Variants in DIP2B observed in about 807,000 individuals in gnomAD.
DIP2B encodes disco-interacting protein 2 homolog B.
Under a neutral mutation model 198.0 loss-of-function variants are expected in DIP2B, and 76 were observed. The observed-to-expected ratio is 0.38, with a 90% confidence interval of 0.32 to 0.46. The LOEUF (loss-of-function observed/expected upper bound fraction) is 0.46. Among genes scored for constraint, DIP2B ranks in the 20% least tolerant of loss-of-function variants. The pLI is 0.99. For missense variants in DIP2B, 1,559 were observed against 1,978.4 expected (o/e 0.79, Z 4.02); for synonymous variants, 701 against 739.1 (o/e 0.95, Z 0.84).
intron 1 of DIP2B, among the ~76,000 whole-genome samples, chr12:50,587,902 T>C (rs1958784473): frequency 6.6e-6 from 1 of 152,234 alleles, no homozygotes; most frequent in African/African-American, 2.4e-5. Context: ...GTTTAAATTC[T>C]GACCTAATTG....
intron 32 of DIP2B, among the ~76,000 whole-genome samples, chr12:50,732,922 T>C (rs993227584): frequency 6.6e-6 from 1 of 152,102 alleles, no homozygotes; most frequent in Non-Finnish European, 1.5e-5. Context: ...TTTTTTTTAT[T>C]TGAGACGGAG....
chr12:50,586,115 G>C (rs1382447276), intron 1 of DIP2B, among the ~76,000 whole-genome samples: 1 of 152,226 alleles, frequency 6.6e-6, no homozygotes, highest in Non-Finnish European at 1.5e-5. Flanking sequence ...GTTAATACAA[G>C]GGGATCAGAC....
In DIP2B at chr12:50,640,747, G is replaced by T; in HGVS notation, c.196G>T (p.Glu66Ter). 1 of 1,613,682 alleles carries T rather than the reference G, an allele frequency of 6.2e-7. No homozygotes were observed. The highest frequency in any genetic ancestry group is 1.1e-5 in the South Asian group (1 of 91,044). Reference sequence around the variant, plus strand: ...AGAAACTGATTCAGCAGTACAGAAAGAACTTAGAAACCAGACACCTGCTCC... The same window carrying T: ...AGAAACTGATTCAGCAGTACAGAAATAACTTAGAAACCAGACACCTGCTCC... ...TQETDSAVQK[E>*]LRNQTPAPSA... Residue 66 changes from glutamate to a stop codon, truncating the protein, a stop_gained, in exon 3 of 38, where the codon GAA (glutamate) becomes TAA (stop). Transcript: ENST00000301180. LOFTEE classifies it high-confidence loss of function.
At chr12:50,738,410 T>C (rs2139605221) in intron 35 of DIP2B, among the ~76,000 whole-genome samples, 1 of 152,226 alleles carries the variant, frequency 6.6e-6, no homozygotes, top group South Asian at 2.1e-4. Context: ...AAGCAGGAGT[T>C]TGAGGCCACT....
chr12:50,577,946 A>C (rs1013778486), intron 1 of DIP2B, among the ~76,000 whole-genome samples: 32 of 152,366 alleles, frequency 2.1e-4, no homozygotes, highest in African/African-American at 7.2e-4. Flanking sequence ...GGTTAGTTAC[A>C]ATGTAGATTA....
chr12:50,647,222 G>A (rs12231317), intron 3 of DIP2B, among the ~76,000 whole-genome samples: 43,707 of 151,772 alleles, frequency 0.29, 6,555 homozygotes, highest in East Asian at 0.43. Flanking sequence ...GATGATTTTT[G>A]TATTTTTTGT....
chr12:50,721,126 TA>T, intron 25 of DIP2B, 146 bp from the exon 26 acceptor site: 1 of 1,254,810 alleles, frequency 8.0e-7, no homozygotes, highest in Non-Finnish European at 1.1e-6. Context: ...TCTTTGATGC[TA>T]AGGGAATTTT....
intron 2 of DIP2B, among the ~76,000 whole-genome samples, chr12:50,634,284 A>G (rs1436783870): frequency 6.6e-6 from 1 of 152,034 alleles, no homozygotes. Flanking sequence ...TAAATTAGTC[A>G]CTCTTGGCCA....
intron 37 of DIP2B, among the ~76,000 whole-genome samples, chr12:50,744,156 C>T (rs1044084635): frequency 1.3e-5 from 2 of 152,178 alleles, no homozygotes; most frequent in African/African-American, 4.8e-5. Context: ...TGCTCACCAC[C>T]AAGTCTGGCT....
chr12:50,742,757 G>A (rs1420944078), intron 37 of DIP2B, among the ~76,000 whole-genome samples: 2 of 152,040 alleles, frequency 1.3e-5, no homozygotes, highest in Non-Finnish European at 2.9e-5. Flanking sequence ...TTAGCTGGAC[G>A]CAGTGGCAGG....
intron 19 of DIP2B, 28 bp downstream of exon 19, chr12:50,699,230 A>T (rs1939373193): frequency 6.2e-7 from 1 of 1,613,450 alleles, no homozygotes; most frequent in Admixed American, 1.7e-5. Context: ...TTCACAGGGA[A>T]AATGTTTGGG....
chr12:50,539,029 T>C (rs1015410256), intron 1 of DIP2B, among the ~76,000 whole-genome samples: 2 of 152,204 alleles, frequency 1.3e-5, no homozygotes, highest in African/African-American at 4.8e-5. Flanking sequence ...ATGGGATGCA[T>C]GCGTGTTGAG....
At chr12:50,727,107 G>A (rs1401115452) in intron 28 of DIP2B, among the ~76,000 whole-genome samples, 1 of 152,138 alleles carries the variant, frequency 6.6e-6, no homozygotes, top group Non-Finnish European at 1.5e-5. Context: ...AATAGAGCAA[G>A]ACTCTGTCTC....
chr12:50,623,252 C>T (rs2731445), intron 1 of DIP2B, among the ~76,000 whole-genome samples: 146,399 of 151,900 alleles, frequency 0.96, 70,781 homozygotes, highest in East Asian at 1. Context: ...GGCATGGTGG[C>T]GTGCCAGCCA....
At chr12:50,508,102 C>G (rs1303805165) in intron 1 of DIP2B, among the ~76,000 whole-genome samples, 1 of 152,154 alleles carries the variant, frequency 6.6e-6, no homozygotes, top group African/African-American at 2.4e-5. Flanking sequence ...GAGCGTGTTG[C>G]AGAGCCCTGT....
chr12:50,608,241 T>G (rs1959000973), intron 1 of DIP2B, among the ~76,000 whole-genome samples: 1 of 152,206 alleles, frequency 6.6e-6, no homozygotes, highest in Admixed American at 6.5e-5. Context: ...GGTTGCTGTT[T>G]TAACTGCAAG....
intron 1 of DIP2B, among the ~76,000 whole-genome samples, chr12:50,576,473 G>A (rs896817474): frequency 4.0e-5 from 6 of 149,496 alleles, no homozygotes; most frequent in Admixed American, 6.7e-5. Context: ...CGGTCTGACC[G>A]CCCCCCACCT....
Position 50,708,893 on chromosome 12 carries a change from C to T in DIP2B, c.2649+331C>T, listed in dbSNP as rs1939562323. Among the ~76,000 whole-genome samples the T allele has an allele frequency of 3.9e-5, 6 of 152,236 alleles. No homozygotes were observed. In the South Asian group the frequency reaches 1.2e-3, roughly 31 times the overall value. ...CAATCCACTTGTCAACAGTCAGTCA[C>T]AGTTTTACTGTGTGTCATAAGTGGT... On this transcript the variant is annotated intron_variant, in intron 22 of 37. Transcript: ENST00000301180.
rs555574230 is a variant in DIP2B, at chr12:50,691,471, T to C, written c.1654+320T>C. On this transcript the variant is annotated intron_variant, in intron 13 of 37. Transcript: ENST00000301180. ...TGCCTGTATAGTGGGCTACCAGCTA[T>C]ACATTTGGAGTCAAAGAAATTCAGC... Among the ~76,000 whole-genome samples, 38 of 152,334 alleles carry C rather than the reference T, an allele frequency of 2.5e-4. No homozygotes were observed. The South Asian group carries it at 5.8e-3, about 23-fold the overall frequency.
Sources: gnomAD v4.1 joint callset for allele counts (sites outside exome capture counted in the v4.1 genomes callset) on GRCh38, gnomAD v4.1.1 for gene constraint, MANE v1.5 for transcripts, NCBI Gene and HGNC (gene_info 2026-07-23, HGNC 2026-07-21) for gene names.